RALGAPA2: variants seen among roughly 807,000 people sequenced by gnomAD.
RALGAPA2 encodes Ral GTPase activating protein catalytic subunit alpha 2.
A neutral mutation model predicts 230.4 loss-of-function variants in RALGAPA2; 139 were observed. The observed-to-expected ratio is 0.60, with a 90% CI of 0.53 to 0.69. The LOEUF is 0.69. RALGAPA2 is among the 30% of genes least tolerant of loss of function. The pLI is 0.00. For missense variants in RALGAPA2, 2,163 were observed against 2,276.0 expected (o/e 0.95, Z 1.01); for synonymous variants, 847 against 837.8 (o/e 1.01, Z -0.19).
intron 23 of RALGAPA2, among the ~76,000 whole-genome samples, chr20:20,551,097 G>A (rs1334012924): frequency 2.6e-5 from 4 of 152,152 alleles, no homozygotes; most frequent in African/African-American, 4.8e-5. Flanking sequence ...TGTTTTACAA[G>A]GCAAATACTG....
intron 37 of RALGAPA2, among the ~76,000 whole-genome samples, chr20:20,438,010 T>C (rs2060652214): frequency 6.6e-6 from 1 of 152,178 alleles, no homozygotes; most frequent in South Asian, 2.1e-4. Flanking sequence ...TGGTTCTTAA[T>C]ATGGGTCAAT....
In RALGAPA2 at chr20:20,575,342, G is replaced by A. The variant is rs186087606; in HGVS notation, c.2708-2274C>T. 1.1e-3 allele frequency among the ~76,000 whole-genome samples: 161 copies of A among 151,988 alleles called. 1 individual carries two copies. Among genetic ancestry groups the A allele is most frequent in the African/African-American group, 3.7e-3 (154 of 41,464 alleles). ...GAACTGAAGCAGAAACCATAAGCAG[G>A]CATGGTCTTTGGTCAGTTTCACTGT... On this transcript the variant is annotated intron_variant, in intron 20 of 39. Transcript: ENST00000202677.
chr20:20,520,382 G>A (rs528229490), intron 31 of RALGAPA2, among the ~76,000 whole-genome samples: 8 of 152,144 alleles, frequency 5.3e-5, no homozygotes, highest in Non-Finnish European at 8.8e-5. Flanking sequence ...AATACAGCAG[G>A]CTCTAAGTCC....
At chr20:20,605,104 G>T in intron 15 of RALGAPA2, 71 bp downstream of exon 15, 1 of 1,324,282 alleles carries the variant, frequency 7.6e-7, no homozygotes, top group Non-Finnish European at 1.1e-6. Context: ...CGCATTAATT[G>T]CTTAGTCATA....
intron 37 of RALGAPA2, among the ~76,000 whole-genome samples, chr20:20,433,610 T>A (rs952310066): frequency 6.6e-6 from 1 of 152,194 alleles, no homozygotes; most frequent in Non-Finnish European, 1.5e-5. Context: ...GTTTCTCAGA[T>A]GAGGTCCAAC....
intron 24 of RALGAPA2, among the ~76,000 whole-genome samples, chr20:20,538,974 T>C (rs2063568951): frequency 6.6e-6 from 1 of 152,066 alleles, no homozygotes. Context: ...GAAATTAGAG[T>C]ATATGTTCTT....
At chr20:20,495,666 C>A (rs529267635) in intron 35 of RALGAPA2, among the ~76,000 whole-genome samples, 88 of 152,282 alleles carry the variant, frequency 5.8e-4, no homozygotes, top group African/African-American at 1.9e-3. Context: ...TTATAAGATT[C>A]TCAATTCAAT....
chr20:20,579,135 G>A (rs2064908224), intron 20 of RALGAPA2, among the ~76,000 whole-genome samples: 1 of 152,076 alleles, frequency 6.6e-6, no homozygotes, highest in African/African-American at 2.4e-5. Context: ...AAAAATTTCT[G>A]TAACATTTGG....
In RALGAPA2 at chr20:20,406,323, T is replaced by C. The variant is rs116955791; in HGVS notation, c.5617+5704A>G. Among the ~76,000 whole-genome samples the C allele has an allele frequency of 9.1e-3, 1,384 of 152,294 alleles. 8 individuals are homozygous for C. The highest frequency in any genetic ancestry group is 0.017 in the Admixed American group (262 of 15,296). On this transcript the variant is annotated intron_variant, in intron 38 of 39. Coordinates refer to ENST00000202677, the MANE Select transcript of RALGAPA2 (RefSeq NM_020343.4). ...ATCCCACTGGGTCTTGGTGATGGAA[T>C]GATAGCTGGTAAAAAAAACTTTCTA... is the stretch of plus-strand genomic sequence containing the variant.
intron 23 of RALGAPA2, among the ~76,000 whole-genome samples, chr20:20,566,547 TGG>T (rs1438742513): frequency 1.3e-5 from 2 of 152,214 alleles, no homozygotes; most frequent in Non-Finnish European, 2.9e-5. Flanking sequence ...AAATAAATGA[TGG>T]TGTTGCTGTT....
intron 37 of RALGAPA2, among the ~76,000 whole-genome samples, chr20:20,443,650 T>C (rs2060793026): frequency 6.6e-6 from 1 of 152,230 alleles, no homozygotes; most frequent in South Asian, 2.1e-4. Flanking sequence ...TCCAGCTTTG[T>C]GGTCAGAATG....
chr20:20,581,259 T>C (rs943461851), intron 20 of RALGAPA2, among the ~76,000 whole-genome samples: 3 of 152,090 alleles, frequency 2.0e-5, no homozygotes, highest in African/African-American at 4.8e-5. Flanking sequence ...ACAAAAGAAG[T>C]AATCACCTAA....
intron 37 of RALGAPA2, among the ~76,000 whole-genome samples, chr20:20,468,101 A>T (rs1469235875): frequency 2.0e-5 from 3 of 152,180 alleles, no homozygotes; most frequent in Non-Finnish European, 1.5e-5. Context: ...CAACGTCAAA[A>T]ATCCATTCCT....
chr20:20,399,343 C>A (rs141808018), intron 38 of RALGAPA2, among the ~76,000 whole-genome samples: 578 of 115,766 alleles, frequency 5.0e-3, no homozygotes, highest in Middle Eastern at 9.0e-3. Context: ...AACTCCGTCT[C>A]AAAAAAAAAA....
At chr20:20,424,360 G>T (rs1051714137) in intron 37 of RALGAPA2, among the ~76,000 whole-genome samples, 1 of 152,174 alleles carries the variant, frequency 6.6e-6, no homozygotes, top group Admixed American at 6.5e-5. Flanking sequence ...CAAGTCTAGA[G>T]AAAGTGCTGT....
At chr20:20,567,053 A>G (rs906161511) in intron 23 of RALGAPA2, among the ~76,000 whole-genome samples, 13 of 152,246 alleles carry the variant, frequency 8.5e-5, no homozygotes, top group Middle Eastern at 3.2e-3. Flanking sequence ...TTTAAAAGAG[A>G]ATTTAACTTT....
At chr20:20,482,552 C>T (rs1036443448) in intron 36 of RALGAPA2, among the ~76,000 whole-genome samples, 1 of 152,028 alleles carries the variant, frequency 6.6e-6, no homozygotes, top group Non-Finnish European at 1.5e-5. Context: ...CGCAGGGTTC[C>T]CCAAAGTGCA....
At chr20:20,588,566 G>C (rs1450320011) in intron 18 of RALGAPA2, among the ~76,000 whole-genome samples, 1 of 152,088 alleles carries the variant, frequency 6.6e-6, no homozygotes, top group Non-Finnish European at 1.5e-5. Context: ...GCTGATGGTG[G>C]GTTTCTGGGT....
intron 37 of RALGAPA2, among the ~76,000 whole-genome samples, chr20:20,412,554 C>T (rs1292105299): frequency 6.6e-6 from 1 of 152,150 alleles, no homozygotes; most frequent in Non-Finnish European, 1.5e-5. Context: ...GTTGATACTT[C>T]AAGCAACTTG....
Sources: gnomAD v4.1 joint callset for allele counts (sites outside exome capture counted in the v4.1 genomes callset) on GRCh38, gnomAD v4.1.1 for gene constraint, MANE v1.5 for transcripts, NCBI Gene and HGNC (gene_info 2026-07-23, HGNC 2026-07-21) for gene names.